The following IRAG1 variants were observed in gnomAD, a reference collection of about 807,000 sequenced individuals.
IRAG1 encodes IP3R-associated cGMP kinase substrate.
A neutral mutation model predicts 106.2 loss-of-function variants in IRAG1; 62 were observed. The ratio of observed to expected loss-of-function variants is 0.58; its 90% CI spans 0.48 to 0.72. The LOEUF is 0.72. Among genes scored for constraint, IRAG1 ranks in the 30% least tolerant of loss-of-function variants. The probability of loss-of-function intolerance (pLI) is 0.00; values close to 1 mark genes in which losing one functional copy is unlikely to be tolerated. For synonymous variants in IRAG1, 462 were observed against 443.9 expected, an observed-to-expected ratio of 1.04 and a Z score of -0.51; for missense variants, 1,064 against 1,140.7, an observed-to-expected ratio of 0.93 and a Z score of 0.97.
chr11:10,630,201 T>C (rs1252361176), intron 4 of IRAG1: 1 of 154,790 alleles, frequency 6.5e-6, no homozygotes, highest in Non-Finnish European at 1.4e-5. Context: ...ATGAGGTGGG[T>C]GAACGGCACC....
chr11:10,590,698 T>A (rs1012253879), intron 18 of IRAG1, among the ~76,000 whole-genome samples: 7 of 152,320 alleles, frequency 4.6e-5, no homozygotes, highest in Admixed American at 3.3e-4. Context: ...TAAAATCCTC[T>A]GAGTGCATAG....
At chr11:10,606,466 G>A (rs759045358) in intron 12 of IRAG1, among the ~76,000 whole-genome samples, 3 of 152,116 alleles carry the variant, frequency 2.0e-5, no homozygotes, top group Non-Finnish European at 2.9e-5. Context: ...TATCTAAGTC[G>A]TACATTTAAA....
intron 10 of IRAG1, among the ~76,000 whole-genome samples, chr11:10,623,266 G>C (rs1023266003): frequency 1.4e-4 from 21 of 152,210 alleles, no homozygotes; most frequent in African/African-American, 5.1e-4. Flanking sequence ...TGAGTGCAGA[G>C]AGGGAGGCAG....
chr11:10,654,003 G>A (rs1382605669), intron 1 of IRAG1, among the ~76,000 whole-genome samples: 2 of 152,172 alleles, frequency 1.3e-5, no homozygotes, highest in Non-Finnish European at 1.5e-5. Flanking sequence ...ATGGGACATG[G>A]TGGGTGGGGG....
At chr11:10,587,864 A>G (rs61366606) in intron 18 of IRAG1, among the ~76,000 whole-genome samples, 4,677 of 152,266 alleles carry the variant, frequency 0.031, 235 homozygotes, top group African/African-American at 0.11. Flanking sequence ...GCGGTCTATT[A>G]AAAGGGTAAG....
intron 1 of IRAG1, among the ~76,000 whole-genome samples, chr11:10,685,289 A>G (rs1861580842): frequency 6.6e-6 from 1 of 152,056 alleles, no homozygotes; most frequent in African/African-American, 2.4e-5. Context: ...TCTACTAAAA[A>G]TGCAAAAAAT....
intron 2 of IRAG1, among the ~76,000 whole-genome samples, chr11:10,651,581 C>A (rs572250769): frequency 2.6e-5 from 4 of 152,300 alleles, no homozygotes; most frequent in African/African-American, 9.6e-5. Context: ...CATTTCCTTT[C>A]TATAATAAAA....
rs191448468 is a variant in IRAG1, at chr11:10,681,719, C to T, written c.67+11817G>A. 7.2e-5 allele frequency among the ~76,000 whole-genome samples: 11 copies of T among 152,298 alleles called. No homozygotes were observed. The East Asian group carries it at 1.9e-3, about 27-fold the overall frequency. ...AACTCAGGACCACTGCTTATACGGT[C>T]TCTTCATTTCAGCTTAGGAAGTGGC... On this transcript the variant is annotated intron_variant, in intron 1 of 20. Coordinates refer to ENST00000423302, the MANE Select transcript of IRAG1 (RefSeq NM_130385.4).
chr11:10,601,533 T>C (rs564867977), intron 14 of IRAG1, among the ~76,000 whole-genome samples: 1 of 152,304 alleles, frequency 6.6e-6, no homozygotes, highest in South Asian at 2.1e-4. Flanking sequence ...CGACAAATTA[T>C]GCTGGGACAA....
intron 1 of IRAG1, among the ~76,000 whole-genome samples, chr11:10,680,372 G>GAAAGAAA (rs1564942533): frequency 1.5e-4 from 6 of 41,232 alleles, no homozygotes; most frequent in East Asian, 2.1e-3. Flanking sequence ...AAAGAAAGAA[G>GAAAGAAA]GAAGGAAGGA....
At chr11:10,687,830 T>A (rs931117762) in intron 1 of IRAG1, 6 of 1,285,826 alleles carry the variant, frequency 4.7e-6, no homozygotes, top group Middle Eastern at 4.3e-4. Context: ...GTATACCGAG[T>A]GCTAAGAATA....
chr11:10,577,994 T>C (rs572921184), intron 20 of IRAG1, among the ~76,000 whole-genome samples: 1 of 152,306 alleles, frequency 6.6e-6, no homozygotes, highest in South Asian at 2.1e-4. Flanking sequence ...CAGAGTTGGA[T>C]GCTAAAATGG....
At chr11:10,690,495 ACT>A (rs1215262579) in intron 1 of IRAG1, 7 of 1,205,848 alleles carry the variant, frequency 5.8e-6, no homozygotes, top group Admixed American at 3.3e-5. Flanking sequence ...CTCTGCTAAG[ACT>A]CTGAATTTGA....
At chr11:10,579,488 AT>A (rs1272226396) in intron 20 of IRAG1, among the ~76,000 whole-genome samples, 2 of 152,222 alleles carry the variant, frequency 1.3e-5, no homozygotes, top group African/African-American at 4.8e-5. Context: ...CTATTACTAC[AT>A]TTTAAAAAAT....
rs67434222 is a variant in IRAG1, at chr11:10,575,745, C to CTTT, written c.*584_*586dup. 128 of 131,852 alleles carry CTTT rather than the reference C, an allele frequency of 9.7e-4. No homozygotes were observed. The highest frequency in any genetic ancestry group is 4.0e-3 in the Middle Eastern group (1 of 252). The allele number at this position is 131,852 out of a possible 1,614,324, so 8.2% of individuals were successfully genotyped here. A position where few individuals can be genotyped will look rare whatever the true frequency, so the allele number is the denominator to read the frequency against. On this transcript the variant is annotated 3_prime_UTR_variant, in exon 21 of 21. Coordinates refer to ENST00000423302, the MANE Select transcript of IRAG1 (RefSeq NM_130385.4). ...AGCACTGAGCTAAATTCAGCCTATA[C>CTTT]TTTTTTTTTTTTTTCTGAGAAGCCT...
At chr11:10,596,691 A>G (rs1853350372) in intron 15 of IRAG1, among the ~76,000 whole-genome samples, 1 of 152,152 alleles carries the variant, frequency 6.6e-6, no homozygotes, top group African/African-American at 2.4e-5. Flanking sequence ...AATTTTAATC[A>G]ATTTATTTCT....
intron 4 of IRAG1, 188 bp from the exon 5 acceptor site, chr11:10,629,899 T>A (rs1269131682): frequency 1.7e-6 from 1 of 598,272 alleles, no homozygotes. Flanking sequence ...CTGGCCCCTA[T>A]GGCTTATGGC....
At chr11:10,581,719 C>T in intron 19 of IRAG1, 148 bp downstream of exon 19, 1 of 948,916 alleles carries the variant, frequency 1.1e-6, no homozygotes, top group Non-Finnish European at 1.5e-6. Context: ...AACAGTCTTG[C>T]TCTTTCCTAT....
At chr11:10,687,438 C>A in intron 1 of IRAG1, 1 of 190,240 alleles carries the variant, frequency 5.3e-6, no homozygotes, top group South Asian at 9.6e-5. Context: ...AAGAGCCCTA[C>A]TTTCCCCAGT....
Sources: gnomAD v4.1 joint callset for allele counts (sites outside exome capture counted in the v4.1 genomes callset) on GRCh38, gnomAD v4.1.1 for gene constraint, MANE v1.5 for transcripts, NCBI Gene and HGNC (gene_info 2026-07-23, HGNC 2026-07-21) for gene names.